Variants in TMEM269 observed in about 807,000 individuals in gnomAD.
TMEM269 encodes the protein transmembrane protein 269.
Under a neutral mutation model 15.8 loss-of-function variants are expected in TMEM269, and 12 were observed. The observed-to-expected ratio is 0.76, with a 90% confidence interval of 0.49 to 1.23. TMEM269 has a LOEUF of 1.23. TMEM269 is among the 50% of genes most tolerant of loss of function. The pLI, the probability that TMEM269 is intolerant of heterozygous loss-of-function variation, is 0.00. For missense variants in TMEM269, 211 were observed against 245.4 expected (o/e 0.86, Z 0.94); for synonymous variants, 93 against 99.3 (o/e 0.94, Z 0.38).
At chr1:42,791,549 A>G (rs1557592015) in intron 2 of TMEM269, among the ~76,000 whole-genome samples, 1 of 152,248 alleles carries the variant, frequency 6.6e-6, no homozygotes, top group African/African-American at 2.4e-5. Flanking sequence ...CAAAACTTAT[A>G]GGATGCAGGG....
intron 5 of TMEM269, among the ~76,000 whole-genome samples, chr1:42,796,247 T>C (rs942766484): frequency 6.6e-6 from 1 of 152,196 alleles, no homozygotes; most frequent in Admixed American, 6.5e-5. Flanking sequence ...TGTTCTTCGC[T>C]CCTGTAGATA....
At position 42,793,609 on chromosome 1, in the gene TMEM269, C is replaced by T. The variant is rs61732231; in HGVS notation, c.148C>T (p.Leu50=). ...TGGGCCGTCTGGGGCAGGAGCCGAG[C>T]TGAATGACTTTGCCGTCTTCACCAC... ...INICSKLGAE[L]NDFAVFTTFG... is the part of the protein sequence containing the mutation. Residue 50 remains leucine, a synonymous_variant, in exon 4 of 6, where the codon CTG becomes TTG. Transcript: ENST00000637012. 2.5e-4 allele frequency: 383 copies of T among 1,549,684 alleles called. 1 individual carries two copies. In the African/African-American group the frequency reaches 4.6e-3, roughly 19 times the overall value.
At position 42,788,277 on chromosome 1, in the gene TMEM269, T is replaced by A. The variant is rs971498230; in HGVS notation, c.-98-1519T>A. ...GAGGCAGAGCTGGAGGTGAGATTAA[T>A]CCTCACATCTGAAATGGGTGAGGAT... On this transcript the variant is annotated intron_variant, in intron 1 of 5. Coordinates refer to ENST00000637012, the MANE Select transcript of TMEM269 (RefSeq NM_001354602.2). The surrounding 1 kb of genome is among the most constrained non-coding windows in gnomAD (Gnocchi z 4.0). Among the ~76,000 whole-genome samples, 1 of 152,154 alleles carries A rather than the reference T, an allele frequency of 6.6e-6. No individual in the cohort carries two copies.
rs1653873156 is a variant in TMEM269 at position 42,800,599 on chromosome 1, A to C, written c.*2374A>C. The stretch of plus-strand genomic sequence containing the variant: ...ACTTCTGTGTCTGATAAGCGGAATC[A>C]AGTGACTGAGAATTCTGCTACTCTT... On this transcript the variant is annotated 3_prime_UTR_variant, in exon 6 of 6. Transcript: ENST00000637012. The C allele has an allele frequency of 6.6e-6, 1 of 152,178 alleles. No homozygotes were observed. The highest frequency in any genetic ancestry group is 2.4e-5 in the African/African-American group (1 of 41,436). 9.4% of individuals were successfully genotyped at this position (152,178 alleles called of 1,614,324 possible). A position where few individuals can be genotyped will look rare whatever the true frequency, so the allele number is the denominator to read the frequency against.
intron 3 of TMEM269, 34 bp from the exon 4 acceptor site, chr1:42,793,567 A>G (rs1331438474): frequency 1.3e-6 from 2 of 1,537,278 alleles, no homozygotes; most frequent in South Asian, 1.2e-5. Flanking sequence ...ACGTGGGAGT[A>G]TAAGTTCTTC....
chr1:42,785,959 C>T lies in TMEM269; in HGVS notation c.-99+877C>T, dbSNP rs537659804. 2.0e-5 allele frequency among the ~76,000 whole-genome samples: 3 copies of T among 152,308 alleles called. No individual in the cohort carries two copies. The South Asian group carries it at 6.2e-4, about 32-fold the overall frequency. ...GACTCTGAGCTGCTGGAGTGTGCGG[C>T]CTGGCTCTTGTTCTCCTCATCCCCC... On this transcript the variant is annotated intron_variant, in intron 1 of 5. Coordinates refer to ENST00000637012, the MANE Select transcript of TMEM269 (RefSeq NM_001354602.2).
chr1:42,789,358 T>C, intron 1 of TMEM269: 4 of 1,323,546 alleles, frequency 3.0e-6, no homozygotes, highest in Non-Finnish European at 3.1e-6. Flanking sequence ...ACTTGGACTG[T>C]GGGACAACAG....
chr1:42,794,267 A>G (rs1415949099), intron 4 of TMEM269, 146 bp from the exon 5 acceptor site: 1 of 645,430 alleles, frequency 1.5e-6, no homozygotes, highest in Non-Finnish European at 2.7e-6. Flanking sequence ...CTTTGTGAAT[A>G]AATGATTTTC....
intron 1 of TMEM269, among the ~76,000 whole-genome samples, chr1:42,785,332 C>T (rs1653521251): frequency 6.6e-6 from 1 of 152,268 alleles, no homozygotes; most frequent in Middle Eastern, 3.4e-3. Flanking sequence ...TGAGCGGCGT[C>T]GTCGCCGTGC....
Position 42,788,582 on chromosome 1 carries a change from G to T in TMEM269, c.-98-1214G>T, listed in dbSNP as rs2014272. Reference sequence around the variant, plus strand: ...AGACTGGGAGAGACTGGGAGCACTGGGGGGCCTGGGCTGGACGGTCCCACA... The same window carrying T: ...AGACTGGGAGAGACTGGGAGCACTGTGGGGCCTGGGCTGGACGGTCCCACA... On this transcript the variant is annotated intron_variant, in intron 1 of 5. Coordinates refer to ENST00000637012, the MANE Select transcript of TMEM269 (RefSeq NM_001354602.2). The surrounding 1 kb of genome is among the most constrained non-coding windows in gnomAD (Gnocchi z 4.0). Among the ~76,000 whole-genome samples, 99,924 of 151,960 alleles carry T rather than the reference G, an allele frequency of 0.66. 33,153 individuals are homozygous for T. Among genetic ancestry groups the T allele is most frequent in the South Asian group, 0.82 (3,962 of 4,812 alleles).
intron 2 of TMEM269, among the ~76,000 whole-genome samples, 170 bp downstream of exon 2, chr1:42,790,104 C>A (rs890600648): frequency 6.6e-6 from 1 of 152,148 alleles, no homozygotes; most frequent in Non-Finnish European, 1.5e-5. Flanking sequence ...TCAACGGTAC[C>A]AGTTCATTCC....
At chr1:42,791,925 C>T (rs560897325) in intron 2 of TMEM269, among the ~76,000 whole-genome samples, 2 of 152,278 alleles carry the variant, frequency 1.3e-5, no homozygotes, top group South Asian at 4.1e-4. Flanking sequence ...TCACTTGAAC[C>T]TGGGAGGCGG....
chr1:42,790,056 T>C, intron 2 of TMEM269, 122 bp downstream of exon 2: 1 of 723,626 alleles, frequency 1.4e-6, no homozygotes, highest in East Asian at 2.7e-5. Flanking sequence ...CCAGGGTAAG[T>C]GCAGTGGCTT....
At position 42,788,300 on chromosome 1, in the gene TMEM269, G is replaced by A. The variant is rs981196672; in HGVS notation, c.-98-1496G>A. 5.9e-5 allele frequency among the ~76,000 whole-genome samples: 9 copies of A among 152,158 alleles called. No individual in the cohort carries two copies. Among genetic ancestry groups the A allele is most frequent in the Non-Finnish European group, 1.3e-4 (9 of 68,016 alleles). ...AATCCTCACATCTGAAATGGGTGAG[G>A]ATTAAATGAGAAAACAGATCTGGGA... On this transcript the variant is annotated intron_variant, in intron 1 of 5. Coordinates refer to ENST00000637012, the MANE Select transcript of TMEM269 (RefSeq NM_001354602.2). This position sits in a 1 kb window ranked among gnomAD's most constrained non-coding sequence, Gnocchi z 4.0.
chr1:42,795,300 C>CA (rs1653772872), intron 5 of TMEM269, among the ~76,000 whole-genome samples: 1 of 152,194 alleles, frequency 6.6e-6, no homozygotes, highest in South Asian at 2.1e-4. Flanking sequence ...CTTGCTGAGA[C>CA]AGCCAGTGAC....
chr1:42,786,018 T>G (rs901320995), intron 1 of TMEM269, among the ~76,000 whole-genome samples: 1 of 152,174 alleles, frequency 6.6e-6, no homozygotes, highest in East Asian at 1.9e-4. Flanking sequence ...AGAGCAGCCA[T>G]TGGCAATAAA....
rs1405658610 is a variant in TMEM269 at position 42,789,404 on chromosome 1, TTCGTCAGTGACAAGGGCCCACCTC to T, written c.-98-389_-98-366del. 1.4e-5 allele frequency: 22 copies of T among 1,533,182 alleles called. No individual in the cohort carries two copies. In the Admixed American group the frequency reaches 2.0e-4, roughly 14 times the overall value. 95.0% of individuals were successfully genotyped at this position (1,533,182 alleles called of 1,614,324 possible). A position where few individuals can be genotyped will look rare whatever the true frequency, so the allele number is the denominator to read the frequency against. The stretch of plus-strand genomic sequence containing the variant: ...CACTACTTCTCTCTCAAGCCAACCC[TTCGTCAGTGACAAGGGCCCACCTC>T]TCAGATGGGAGAAGGGCCCCATACC... On this transcript the variant is annotated intron_variant, in intron 1 of 5. Transcript: ENST00000637012.
chr1:42,789,407 G>C, intron 1 of TMEM269: 1 of 1,533,548 alleles, frequency 6.5e-7, no homozygotes, highest in Non-Finnish European at 8.7e-7. Context: ...CCAACCCTTC[G>C]TCAGTGACAA....
Position 42,794,609 on chromosome 1 carries a change from A to G in TMEM269, c.480A>G (p.Ile160Met). The G allele has an allele frequency of 6.5e-7, 1 of 1,549,714 alleles. No homozygotes were observed. Among genetic ancestry groups the G allele is most frequent in the African/African-American group, 1.4e-5 (1 of 73,160 alleles). The stretch of plus-strand genomic sequence containing the variant: ...AGAACTGGAAAAAATTGGTTTATAT[A>G]GGAGGTGAGTGAAAATGTCACTATG... ...ESENWKKLVY[I>M]GGVIMLFFSP... is the part of the protein sequence containing the mutation. Residue 160 changes from isoleucine (I) to methionine (M), a missense_variant, in exon 5 of 6, where the codon ATA (isoleucine) becomes ATG (methionine). By Grantham distance (10) the Ile-to-Met change is conservative. Transcript: ENST00000637012.
Sources: allele counts gnomAD v4.1 joint callset (sites outside exome capture counted in the v4.1 genomes callset), GRCh38; gene constraint gnomAD v4.1.1; non-coding constraint Gnocchi (gnomAD v3.1); transcripts MANE v1.5; gene names NCBI Gene and HGNC (gene_info 2026-07-23, HGNC 2026-07-21).